The following ENTPD7 variants were observed in gnomAD, a reference collection of about 807,000 sequenced individuals.
The protein encoded by ENTPD7 is ectonucleoside triphosphate diphosphohydrolase 7, also known as NTPDase 7.
ENTPD7 carries 53 observed loss-of-function variants against 77.9 expected under a neutral mutation model. The ratio of observed to expected loss-of-function variants is 0.68; its 90% CI spans 0.55 to 0.85. The LOEUF (loss-of-function observed/expected upper bound fraction) is 0.85. Ranked by LOEUF, ENTPD7 falls within the 40% of genes least tolerant of loss-of-function variation. The pLI, the probability that ENTPD7 is intolerant of heterozygous loss-of-function variation, is 0.00. For missense variants in ENTPD7, 636 were observed against 743.7 expected (o/e 0.86, Z 1.68); for synonymous variants, 248 against 274.9 (o/e 0.90, Z 0.97).
intron 3 of ENTPD7, among the ~76,000 whole-genome samples, chr10:99,668,819 A>AT (rs1412787187): frequency 6.6e-6 from 1 of 151,980 alleles, no homozygotes; most frequent in Non-Finnish European, 1.5e-5. Context: ...TGTAGTTGTG[A>AT]TTTTTTTATA....
chr10:99,709,038 T>C lies in ENTPD7; in HGVS notation c.*4355T>C. ...GAAATAGTGCCAAGTTTTCACTACA[T>C]CTATTCTTGTTCCTGTATTTCTTTT... On this transcript the variant is annotated 3_prime_UTR_variant, in exon 13 of 13. Transcript: ENST00000370489. 1 of 983,538 alleles carries C rather than the reference T, an allele frequency of 1.0e-6. No homozygotes were observed. The highest frequency in any genetic ancestry group is 1.2e-6 in the Non-Finnish European group (1 of 828,160). 60.9% of individuals were successfully genotyped at this position (983,538 alleles called of 1,614,324 possible).
intron 6 of ENTPD7, among the ~76,000 whole-genome samples, chr10:99,686,324 C>A (rs139694343): frequency 6.6e-6 from 1 of 152,158 alleles, no homozygotes; most frequent in East Asian, 1.9e-4. Context: ...TTTTGTTATG[C>A]CTTCATTGCA....
Position 99,710,431 on chromosome 10 carries a change from C to CAT in ENTPD7, c.*5749_*5750dup, listed in dbSNP as rs1227763256. ...GGCCTCTGCGGAGTGTAGTGAAAGA[C>CAT]ATCTTTTTATTATGATCTACACTTT... On this transcript the variant is annotated 3_prime_UTR_variant, in exon 13 of 13. Transcript: ENST00000370489. 2.0e-6 allele frequency: 2 copies of CAT among 980,234 alleles called. No individual in the cohort carries two copies. The highest frequency in any genetic ancestry group is 2.4e-6 in the Non-Finnish European group (2 of 827,964). 60.7% of individuals were successfully genotyped at this position (980,234 alleles called of 1,614,324 possible).
Position 99,659,696 on chromosome 10 carries a change from C to T in ENTPD7, c.-96+108C>T, listed in dbSNP as rs933136772. The T allele has an allele frequency of 6.6e-6, 3 of 453,850 alleles. No individual in the cohort carries two copies. The highest frequency in any genetic ancestry group is 2.0e-5 in the African/African-American group (1 of 49,388). 28.1% of individuals were successfully genotyped at this position (453,850 alleles called of 1,614,324 possible). A position where few individuals can be genotyped will look rare whatever the true frequency, so the allele number is the denominator to read the frequency against. ...CCGGTTCCTAGAGGACAGAGCTGGC[C>T]CACGAGAACGCCCCGCTCCCAGGAT... On this transcript the variant is annotated intron_variant, in intron 1 of 12. Coordinates refer to ENST00000370489, the MANE Select transcript of ENTPD7 (RefSeq NM_020354.5). This position sits in a 1 kb window ranked among gnomAD's most constrained non-coding sequence, Gnocchi z 4.1.
intron 12 of ENTPD7, 30 bp downstream of exon 12, chr10:99,702,703 TG>T: frequency 6.3e-7 from 1 of 1,579,542 alleles, no homozygotes; most frequent in Non-Finnish European, 8.6e-7. Context: ...TCTGGTATCT[TG>T]AGCTCAGAGG....
intron 5 of ENTPD7, among the ~76,000 whole-genome samples, chr10:99,681,993 C>A (rs2035759833): frequency 6.6e-6 from 1 of 152,112 alleles, no homozygotes; most frequent in Non-Finnish European, 1.5e-5. Context: ...CCTTTTTACT[C>A]TGTTAATTTT....
intron 3 of ENTPD7, among the ~76,000 whole-genome samples, chr10:99,670,052 A>T (rs1218480139): frequency 1.3e-5 from 2 of 152,024 alleles, no homozygotes; most frequent in Non-Finnish European, 2.9e-5. Context: ...CCCGGCCGAG[A>T]TGTGTGTTTT....
chr10:99,704,440 A>G lies in ENTPD7; in HGVS notation c.1584-12A>G. ...AGTTTTTTCCACCTACAAATTCTTAATTCTTCCCTAGGGATCTTCGGCAGG... is the reference window on the plus strand; with the variant it reads ...AGTTTTTTCCACCTACAAATTCTTAGTTCTTCCCTAGGGATCTTCGGCAGG... On this transcript the variant is annotated splice_polypyrimidine_tract_variant and intron_variant, in intron 12 of 12. Transcript: ENST00000370489. 1 of 1,613,910 alleles carries G rather than the reference A, an allele frequency of 6.2e-7. No individual in the cohort carries two copies. Among genetic ancestry groups the G allele is most frequent in the Non-Finnish European group, 8.5e-7 (1 of 1,179,860 alleles).
chr10:99,687,988 A>G (rs926541215), intron 6 of ENTPD7, among the ~76,000 whole-genome samples: 2 of 152,182 alleles, frequency 1.3e-5, no homozygotes, highest in East Asian at 1.9e-4. Context: ...AAAGAATTCA[A>G]AGCCCTCAGA....
At chr10:99,662,610 T>C (rs1416001838) in intron 3 of ENTPD7, among the ~76,000 whole-genome samples, 1 of 152,232 alleles carries the variant, frequency 6.6e-6, no homozygotes, top group Non-Finnish European at 1.5e-5. Flanking sequence ...TTAACCATAT[T>C]GTTGCCTGAA....
intron 3 of ENTPD7, among the ~76,000 whole-genome samples, chr10:99,673,262 T>C (rs1371212498): frequency 6.6e-6 from 1 of 151,762 alleles, no homozygotes; most frequent in Non-Finnish European, 1.5e-5. Flanking sequence ...AACAGGAGGG[T>C]CCAGCAATGC....
chr10:99,692,132 A>G (rs1564633197), intron 8 of ENTPD7, among the ~76,000 whole-genome samples: 1 of 152,224 alleles, frequency 6.6e-6, no homozygotes, highest in Non-Finnish European at 1.5e-5. Context: ...AAAACTTATA[A>G]TTTATCTGTC....
In ENTPD7 at chr10:99,695,799, G is replaced by T. The variant is rs551038760; in HGVS notation, c.844-157G>T. ...CCTTTTAGTGCAGTCTTGTCATTTT[G>T]TGTCTTTGTTTAAAATAATGCTATG... On this transcript the variant is annotated intron_variant, in intron 8 of 12. Transcript: ENST00000370489. 1.9e-3 allele frequency among the ~76,000 whole-genome samples: 289 copies of T among 152,188 alleles called. 1 individual carries two copies. The highest frequency in any genetic ancestry group is 3.4e-3 in the Non-Finnish European group (231 of 68,002).
Position 99,675,597 on chromosome 10 carries a change from AT to A in ENTPD7, c.192-3647del, listed in dbSNP as rs56282052. On this transcript the variant is annotated intron_variant, in intron 3 of 12. Transcript: ENST00000370489. ...GGGGTTTAGATTCCAATTGCAACTA[AT>A]TTTTTTTTTTTTTTTTGAGATGGAG... Among the ~76,000 whole-genome samples, 354 of 105,568 alleles carry A rather than the reference AT, an allele frequency of 3.4e-3. 3 individuals carry two copies. The highest frequency in any genetic ancestry group is 0.012 in the African/African-American group (312 of 25,766). 69.3% of individuals were successfully genotyped at this position (105,568 alleles called of 152,430 possible). A position where few individuals can be genotyped will look rare whatever the true frequency, so the allele number is the denominator to read the frequency against.
intron 3 of ENTPD7, among the ~76,000 whole-genome samples, chr10:99,677,427 C>T (rs1483407029): frequency 2.7e-5 from 4 of 146,398 alleles, no homozygotes; most frequent in Non-Finnish European, 4.5e-5. Flanking sequence ...TGCAGTGGCA[C>T]GATCTCAGCT....
Position 99,701,105 on chromosome 10 carries a change from T to C in ENTPD7, c.1421+47T>C, listed in dbSNP as rs767213622. On this transcript the variant is annotated intron_variant, in intron 11 of 12. Transcript: ENST00000370489. ...CTTAGATGTGGACTTAAAATCTAGA[T>C]GGCAGATTATAATGGAGAGTGAGCA... The C allele has an allele frequency of 7.7e-6, 11 of 1,423,236 alleles. No individual in the cohort carries two copies. In the Admixed American group the frequency reaches 1.5e-4, roughly 20 times the overall value. 88.2% of individuals were successfully genotyped at this position (1,423,236 alleles called of 1,614,324 possible).
intron 2 of ENTPD7, among the ~76,000 whole-genome samples, chr10:99,661,019 C>T (rs572657189): frequency 6.6e-6 from 1 of 152,190 alleles, no homozygotes; most frequent in South Asian, 2.1e-4. Flanking sequence ...ACAATATATC[C>T]TTTTAAACTG....
intron 2 of ENTPD7, among the ~76,000 whole-genome samples, chr10:99,660,866 G>A (rs746634374): frequency 2.0e-5 from 3 of 151,702 alleles, no homozygotes; most frequent in Non-Finnish European, 4.4e-5. Flanking sequence ...AGGTTGCAGT[G>A]AGCTGAGATT....
chr10:99,667,279 T>C (rs2035561549), intron 3 of ENTPD7, among the ~76,000 whole-genome samples: 1 of 152,154 alleles, frequency 6.6e-6, no homozygotes, highest in South Asian at 2.1e-4. Flanking sequence ...CCTCCATGAG[T>C]CATTTAAGAG....
Sources: gnomAD v4.1 joint callset for allele counts (sites outside exome capture counted in the v4.1 genomes callset) on GRCh38, gnomAD v4.1.1 for gene constraint, Gnocchi (gnomAD v3.1) non-coding constraint, MANE v1.5 for transcripts, NCBI Gene and HGNC (gene_info 2026-07-23, HGNC 2026-07-21) for gene names.